Variants in NREP observed in about 807,000 individuals in gnomAD.
NREP encodes neuronal regeneration related protein, also known as neuronal regeneration-related protein.
NREP carries 5 observed loss-of-function variants against 8.6 expected under a neutral mutation model. That is an observed-to-expected ratio of 0.58 (90% confidence interval 0.30 to 1.22). The LOEUF is 1.22. Ranked by LOEUF, NREP falls within the 50% of genes most tolerant of loss-of-function variation. NREP has a pLI of 0.07. For synonymous variants in NREP, 27 were observed against 28.0 expected, an observed-to-expected ratio of 0.96 and a Z score of 0.11; for missense variants, 86 against 82.5, an observed-to-expected ratio of 1.04 and a Z score of -0.17.
intron 2 of NREP, among the ~76,000 whole-genome samples, chr5:111,808,282 T>C (rs1281692676): frequency 6.6e-6 from 1 of 152,194 alleles, no homozygotes; most frequent in Non-Finnish European, 1.5e-5. Flanking sequence ...CCCACTGTCT[T>C]GGAAGTCTCT....
chr5:111,856,124 C>G (rs1008601314), intron 2 of NREP, among the ~76,000 whole-genome samples: 25 of 152,134 alleles, frequency 1.6e-4, no homozygotes, highest in African/African-American at 5.5e-4. Context: ...GGTGGGGGAT[C>G]TGGGAGGTTT....
At chr5:111,791,977 GA>G (rs1751759600) in intron 2 of NREP, among the ~76,000 whole-genome samples, 1 of 152,126 alleles carries the variant, frequency 6.6e-6, no homozygotes, top group African/African-American at 2.4e-5. Context: ...CATTAAATGA[GA>G]AAAGTCCCTA....
At chr5:111,799,961 C>G (rs1427126360) in intron 2 of NREP, among the ~76,000 whole-genome samples, 1 of 152,114 alleles carries the variant, frequency 6.6e-6, no homozygotes, top group African/African-American at 2.4e-5. Flanking sequence ...GCTCCGTCAC[C>G]CAGGCTGGAG....
At chr5:111,810,003 T>C (rs1225444390) in intron 2 of NREP, among the ~76,000 whole-genome samples, 1 of 151,636 alleles carries the variant, frequency 6.6e-6, no homozygotes, top group Non-Finnish European at 1.5e-5. Context: ...CTGCCAAGTA[T>C]AGACAGCAGT....
intron 2 of NREP, among the ~76,000 whole-genome samples, chr5:111,840,898 AAG>A (rs1211646448): frequency 1.3e-5 from 2 of 152,128 alleles, no homozygotes; most frequent in African/African-American, 4.8e-5. Context: ...GTGAAAGAGA[AAG>A]AGATTTGCCT....
chr5:111,758,718 C>T (rs1466408991), upstream of NREP, among the ~76,000 whole-genome samples: 1 of 152,212 alleles, frequency 6.6e-6, no homozygotes, highest in Non-Finnish European at 1.5e-5. Context: ...AATTTTTAAA[C>T]GTGTTTACAG....
At chr5:111,872,371 A>G (rs183875725) in intron 2 of NREP, among the ~76,000 whole-genome samples, 57 of 152,300 alleles carry the variant, frequency 3.7e-4, no homozygotes, top group African/African-American at 1.3e-3. Context: ...AGGGCAACCT[A>G]CTTTACTCAG....
intron 2 of NREP, among the ~76,000 whole-genome samples, chr5:111,959,558 C>T (rs909592153): frequency 1.3e-5 from 2 of 150,726 alleles, no homozygotes; most frequent in Non-Finnish European, 1.5e-5. Context: ...ACTTAGTATC[C>T]AGAATATATA....
At chr5:111,955,060 C>T (rs1756270540) in intron 2 of NREP, among the ~76,000 whole-genome samples, 1 of 152,132 alleles carries the variant, frequency 6.6e-6, no homozygotes, top group Non-Finnish European at 1.5e-5. Flanking sequence ...TGTTTGTTTT[C>T]ACTAGAAAGA....
intron 2 of NREP, among the ~76,000 whole-genome samples, chr5:111,826,654 A>C (rs1236955762): frequency 1.3e-5 from 2 of 152,218 alleles, no homozygotes; most frequent in Admixed American, 1.3e-4. Flanking sequence ...GCAATTCTGC[A>C]CACACCAGTA....
At chr5:111,800,643 G>A (rs758524633) in intron 2 of NREP, among the ~76,000 whole-genome samples, 11 of 152,196 alleles carry the variant, frequency 7.2e-5, no homozygotes, top group Non-Finnish European at 1.6e-4. Context: ...GATTCAAAGT[G>A]CACATTGCTG....
chr5:111,739,098 AAC>A (rs1170496201), intron 2 of NREP: 1 of 152,206 alleles, frequency 6.6e-6, no homozygotes, highest in Non-Finnish European at 1.5e-5. Context: ...TCGCAAACTA[AAC>A]ACAGTGTGCT....
intron 2 of NREP, among the ~76,000 whole-genome samples, chr5:111,846,880 C>A (rs1323779654): frequency 2.0e-5 from 3 of 152,024 alleles, no homozygotes; most frequent in Non-Finnish European, 4.4e-5. Flanking sequence ...GATTAGAAAC[C>A]AAAATTTGTT....
intron 2 of NREP, among the ~76,000 whole-genome samples, chr5:111,872,546 A>T (rs1753814147): frequency 6.6e-6 from 1 of 152,146 alleles, no homozygotes; most frequent in Admixed American, 6.5e-5. Context: ...ATGTCCGGCC[A>T]CTATTTTAGG....
At chr5:111,739,234 TCAA>T (rs1749432410) in intron 2 of NREP, 1 of 152,196 alleles carries the variant, frequency 6.6e-6, no homozygotes, top group Admixed American at 6.6e-5. Context: ...AGTAGTGCTG[TCAA>T]CAAAGGAAAT....
At chr5:111,868,635 A>G (rs1417419863) in intron 2 of NREP, among the ~76,000 whole-genome samples, 1 of 152,204 alleles carries the variant, frequency 6.6e-6, no homozygotes, top group East Asian at 1.9e-4. Context: ...AGAGCCATGC[A>G]TGTCTGAGTT....
At chr5:111,943,930 T>A (rs1228635541) in intron 2 of NREP, among the ~76,000 whole-genome samples, 2 of 152,124 alleles carry the variant, frequency 1.3e-5, no homozygotes, top group African/African-American at 4.8e-5. Flanking sequence ...TGATCAACTC[T>A]AATGAGCTTT....
chr5:111,872,214 G>C (rs1753807523), intron 2 of NREP, among the ~76,000 whole-genome samples: 1 of 152,072 alleles, frequency 6.6e-6, no homozygotes, highest in Non-Finnish European at 1.5e-5. Flanking sequence ...CCAGAGGCCA[G>C]CATATCAGGT....
chr5:111,886,199 C>T (rs1443971794), intron 2 of NREP, among the ~76,000 whole-genome samples: 5 of 152,184 alleles, frequency 3.3e-5, no homozygotes, highest in Non-Finnish European at 1.5e-5. Flanking sequence ...GACATTTATG[C>T]AGCCAAAAAC....
Sources: gnomAD v4.1 joint callset for allele counts (sites outside exome capture counted in the v4.1 genomes callset) on GRCh38, gnomAD v4.1.1 for gene constraint, MANE v1.5 for transcripts, NCBI Gene and HGNC (gene_info 2026-07-23, HGNC 2026-07-21) for gene names.